The following LRBA variants were observed in gnomAD, a reference collection of about 807,000 sequenced individuals.
LRBA encodes the protein LPS responsive beige-like anchor protein, also known as lipopolysaccharide-responsive and beige-like anchor protein.
LRBA carries 176 observed loss-of-function variants against 330.0 expected under a neutral mutation model. The ratio of observed to expected loss-of-function variants is 0.53; its 90% CI spans 0.47 to 0.60. The LOEUF (loss-of-function observed/expected upper bound fraction) is 0.60, where lower values mean the gene tolerates loss of function less well. Among genes scored for constraint, LRBA ranks in the 20% least tolerant of loss-of-function variants. The pLI is 0.00. For synonymous variants in LRBA, 1,230 were observed against 1,193.0 expected (o/e 1.03, Z -0.64); for missense variants, 3,259 against 3,444.8 (o/e 0.95, Z 1.35).
chr4:150,371,452 A>G (rs1740307451), intron 47 of LRBA, among the ~76,000 whole-genome samples: 1 of 152,022 alleles, frequency 6.6e-6, no homozygotes, highest in African/African-American at 2.4e-5. Context: ...CTCGGTCTCC[A>G]AAGTGTCAGA....
At chr4:150,993,187 G>C (rs1026730400) in intron 2 of LRBA, among the ~76,000 whole-genome samples, 5 of 152,140 alleles carry the variant, frequency 3.3e-5, no homozygotes, top group African/African-American at 9.7e-5. Flanking sequence ...AGTTTGGCTA[G>C]AGCATAATTA....
At chr4:150,964,128 G>A (rs1016279085) in intron 2 of LRBA, among the ~76,000 whole-genome samples, 5 of 148,528 alleles carry the variant, frequency 3.4e-5, no homozygotes, top group African/African-American at 1.0e-4. Context: ...CAGGAGGTGG[G>A]GGGCAGCCCC....
intron 40 of LRBA, among the ~76,000 whole-genome samples, chr4:150,516,217 C>CTT (rs869205771): frequency 0.02 from 602 of 29,418 alleles, 96 homozygotes; most frequent in African/African-American, 0.04. Context: ...TTTCTATTCT[C>CTT]TTTTTTTTTT....
At position 150,868,305 on chromosome 4, in the gene LRBA, T is replaced by C; in HGVS notation, c.2450A>G (p.Gln817Arg). 1 of 1,590,498 alleles carries C rather than the reference T, an allele frequency of 6.3e-7. No individual in the cohort carries two copies. Among genetic ancestry groups the C allele is most frequent in the Non-Finnish European group, 8.6e-7 (1 of 1,168,310 alleles). Residue 817 changes from glutamine to arginine, a missense_variant and splice_region_variant, in exon 21 of 57, where the codon CAG becomes CGG. Coordinates refer to ENST00000651943, the MANE Select transcript of LRBA (RefSeq NM_001364905.1). Reference sequence around the variant, plus strand: ...TAGGGTCGCAATTACTTTTAGTATCTCTGTAAGACAGTTTATAAATAAGTA... The same window carrying C: ...TAGGGTCGCAATTACTTTTAGTATCCCTGTAAGACAGTTTATAAATAAGTA... ...PDSSVKIQNPQILKVIATLLR... is the reference protein window; with the variant it reads ...PDSSVKIQNPRILKVIATLLR...
intron 31 of LRBA, among the ~76,000 whole-genome samples, chr4:150,810,151 T>C (rs1251264897): frequency 6.6e-6 from 1 of 152,028 alleles, no homozygotes; most frequent in African/African-American, 2.4e-5. Flanking sequence ...ACATGCTTGG[T>C]TTTTAGGCAG....
intron 36 of LRBA, among the ~76,000 whole-genome samples, chr4:150,728,343 A>T (rs1317595813): frequency 2.0e-5 from 3 of 152,154 alleles, no homozygotes; most frequent in Non-Finnish European, 4.4e-5. Flanking sequence ...TTCCACACTA[A>T]TTCTACAAGG....
intron 2 of LRBA, among the ~76,000 whole-genome samples, chr4:150,958,796 C>A (rs2149560820): frequency 6.7e-6 from 1 of 149,274 alleles, no homozygotes; most frequent in East Asian, 1.9e-4. Context: ...ATGATCTTTA[C>A]TCCAGTTCCC....
At chr4:150,302,127 T>C (rs1287135304) in intron 53 of LRBA, among the ~76,000 whole-genome samples, 3 of 152,214 alleles carry the variant, frequency 2.0e-5, no homozygotes, top group Admixed American at 6.5e-5. Context: ...TGGTGAACAT[T>C]TTCATTTCCC....
intron 37 of LRBA, among the ~76,000 whole-genome samples, chr4:150,676,088 T>C (rs1238327690): frequency 6.6e-6 from 1 of 152,220 alleles, no homozygotes; most frequent in Non-Finnish European, 1.5e-5. Flanking sequence ...AATTTGTCTA[T>C]AATGAATGTA....
At chr4:150,405,189 A>T (rs1746015988) in intron 47 of LRBA, among the ~76,000 whole-genome samples, 1 of 152,244 alleles carries the variant, frequency 6.6e-6, no homozygotes, top group Non-Finnish European at 1.5e-5. Context: ...AAGAAAGCAA[A>T]GGAATGTGGG....
In LRBA at chr4:150,481,752, A is replaced by T. The variant is rs911510899; in HGVS notation, c.6551+5980T>A. Reference sequence around the variant, plus strand: ...CATCCATGTTGTTGCATGTACCAGTAGTCATTTCCCTTTTATTTCTGAGTG... The same window carrying T: ...CATCCATGTTGTTGCATGTACCAGTTGTCATTTCCCTTTTATTTCTGAGTG... On this transcript the variant is annotated intron_variant, in intron 42 of 56. Transcript: ENST00000651943. Among the ~76,000 whole-genome samples the T allele has an allele frequency of 2.6e-5, 4 of 152,120 alleles. No individual in the cohort carries two copies. The South Asian group carries it at 8.3e-4, about 32-fold the overall frequency.
chr4:150,437,587 G>C (rs7667906), intron 44 of LRBA, among the ~76,000 whole-genome samples: 3,896 of 150,124 alleles, frequency 0.026, 157 homozygotes, highest in African/African-American at 0.09. Flanking sequence ...AAGAATAGTA[G>C]ACAGATTATG....
chr4:150,945,776 T>C (rs535939069), intron 2 of LRBA, among the ~76,000 whole-genome samples: 19 of 152,156 alleles, frequency 1.2e-4, no homozygotes, highest in Admixed American at 7.2e-4. Context: ...GTGCTTTATA[T>C]GGTAAAAGTG....
intron 56 of LRBA, among the ~76,000 whole-genome samples, chr4:150,273,368 T>TA (rs1553986804): frequency 6.6e-6 from 1 of 152,126 alleles, no homozygotes; most frequent in Non-Finnish European, 1.5e-5. Flanking sequence ...TACCAAATTG[T>TA]AAACACCATC....
chr4:150,279,323 C>T (rs1236491622), intron 55 of LRBA, among the ~76,000 whole-genome samples: 1 of 152,192 alleles, frequency 6.6e-6, no homozygotes, highest in Non-Finnish European at 1.5e-5. Flanking sequence ...TCCTCTCCTC[C>T]TGCCTGGTAC....
chr4:150,642,884 T>C (rs1778811540), intron 37 of LRBA, among the ~76,000 whole-genome samples: 1 of 151,878 alleles, frequency 6.6e-6, no homozygotes, highest in African/African-American at 2.4e-5. Flanking sequence ...GAAAAAATGT[T>C]CAAATTCTAA....
intron 37 of LRBA, among the ~76,000 whole-genome samples, chr4:150,623,121 A>T (rs1448930117): frequency 6.6e-6 from 1 of 152,204 alleles, no homozygotes. Flanking sequence ...ATTCCTAGCT[A>T]GCTACTGATG....
chr4:150,908,942 A>C, intron 9 of LRBA, 85 bp from the exon 10 acceptor site: 6 of 832,768 alleles, frequency 7.2e-6, no homozygotes, highest in Non-Finnish European at 1.1e-5. Context: ...CTTTAAGGAG[A>C]CAGACCATTG....
intron 36 of LRBA, among the ~76,000 whole-genome samples, chr4:150,715,617 T>C (rs750801273): frequency 2.6e-5 from 4 of 152,176 alleles, no homozygotes; most frequent in Non-Finnish European, 4.4e-5. Context: ...TTTAAATATG[T>C]ATATTTTATT....
Sources: allele counts gnomAD v4.1 joint callset (sites outside exome capture counted in the v4.1 genomes callset), GRCh38; gene constraint gnomAD v4.1.1; transcripts MANE v1.5; gene names NCBI Gene and HGNC (gene_info 2026-07-23, HGNC 2026-07-21).